The following PRKCI variants were observed in gnomAD, a reference collection of about 807,000 sequenced individuals.
PRKCI encodes the protein protein kinase C iota type.
PRKCI carries 43 observed loss-of-function variants against 84.0 expected under a neutral mutation model. The ratio of observed to expected loss-of-function variants is 0.51; its 90% CI spans 0.40 to 0.66. The LOEUF is 0.66. Among genes scored for constraint, PRKCI ranks in the 30% least tolerant of loss-of-function variants. The probability of loss-of-function intolerance (pLI) is 0.00; values close to 1 mark genes in which losing one functional copy is unlikely to be tolerated. For synonymous variants in PRKCI, 216 were observed against 234.4 expected (o/e 0.92, Z 0.72); for missense variants, 459 against 745.6 (o/e 0.62, Z 4.48).
intron 12 of PRKCI, among the ~76,000 whole-genome samples, chr3:170,290,861 G>A (rs1012778285): frequency 1.4e-4 from 22 of 152,012 alleles, no homozygotes; most frequent in African/African-American, 4.1e-4. Context: ...ATACAGGCCC[G>A]GCATGGTGGC....
At chr3:170,252,650 GTA>G (rs761676885) in intron 2 of PRKCI, among the ~76,000 whole-genome samples, 15 of 150,224 alleles carry the variant, frequency 1.0e-4, no homozygotes, top group Non-Finnish European at 1.9e-4. Context: ...TCAGGCTGGA[GTA>G]TAGTAGCATG....
At chr3:170,273,410 C>T in intron 7 of PRKCI, 70 bp downstream of exon 7, 2 of 1,421,302 alleles carry the variant, frequency 1.4e-6, no homozygotes, top group Admixed American at 3.7e-5. Context: ...TTAGGTGACT[C>T]TCTTACCCAA....
At chr3:170,231,662 G>A (rs1372989961) in intron 1 of PRKCI, among the ~76,000 whole-genome samples, 1 of 151,564 alleles carries the variant, frequency 6.6e-6, no homozygotes, top group Non-Finnish European at 1.5e-5. Flanking sequence ...ATGGGGATTC[G>A]CCATGTTGGC....
chr3:170,225,280 C>G (rs1020998167), intron 1 of PRKCI, among the ~76,000 whole-genome samples: 2 of 152,100 alleles, frequency 1.3e-5, no homozygotes, highest in Non-Finnish European at 2.9e-5. Flanking sequence ...AATTCCTGTC[C>G]TCTGAAATTA....
Position 170,295,919 on chromosome 3 carries a change from G to A in PRKCI, c.1426G>A (p.Glu476Lys). Residue 476 changes from glutamate to lysine, a missense_variant, in exon 15 of 18, where the codon GAA (glutamate) becomes AAA (lysine). This residue lies in a region of PRKCI where 209 missense variants were observed against 425.9 expected (regional missense o/e 0.49). Transcript: ENST00000295797. ...TEDYLFQVILEKQIRIPRSLS... is the reference protein window; with the variant it reads ...TEDYLFQVILKKQIRIPRSLS... The stretch of plus-strand genomic sequence containing the variant: ...AATTTTTATCTTTCTAGTTATTTTG[G>A]AAAAACAAATTCGCATACCACGTTC... 6.4e-7 allele frequency: 1 copy of A among 1,562,926 alleles called. No homozygotes were observed. Among genetic ancestry groups the A allele is most frequent in the Non-Finnish European group, 8.7e-7 (1 of 1,150,422 alleles).
chr3:170,252,604 C>A (rs1733482111), intron 2 of PRKCI, among the ~76,000 whole-genome samples: 1 of 151,096 alleles, frequency 6.6e-6, no homozygotes, highest in African/African-American at 2.4e-5. Flanking sequence ...CTTTTTCTAA[C>A]CTTTTTTTTT....
At chr3:170,265,565 A>G (rs1733838160) in intron 4 of PRKCI, among the ~76,000 whole-genome samples, 1 of 151,952 alleles carries the variant, frequency 6.6e-6, no homozygotes, top group South Asian at 2.1e-4. Flanking sequence ...TTTAGAAGGA[A>G]TAGTGGTAAA....
intron 2 of PRKCI, among the ~76,000 whole-genome samples, chr3:170,249,163 C>T (rs1244377055): frequency 6.6e-6 from 1 of 151,932 alleles, no homozygotes; most frequent in African/African-American, 2.4e-5. Flanking sequence ...TGGCTTTTTT[C>T]ATTATAGACT....
At chr3:170,277,535 A>G (rs6783923) in intron 8 of PRKCI, among the ~76,000 whole-genome samples, 12,313 of 152,034 alleles carry the variant, frequency 0.081, 1,197 homozygotes, top group African/African-American at 0.23. Flanking sequence ...TCTACTAAAA[A>G]TACAAAAAAT....
chr3:170,224,281 A>G (rs901610294), intron 1 of PRKCI, among the ~76,000 whole-genome samples: 2 of 152,010 alleles, frequency 1.3e-5, no homozygotes, highest in Non-Finnish European at 2.9e-5. Flanking sequence ...GTTATATTGG[A>G]CAGTATGATA....
At chr3:170,289,407 C>A (rs1325810709) in intron 12 of PRKCI, among the ~76,000 whole-genome samples, 1 of 152,148 alleles carries the variant, frequency 6.6e-6, no homozygotes, top group Admixed American at 6.5e-5. Flanking sequence ...GTTCACCATG[C>A]CCAGAATGTC....
At chr3:170,288,417 T>C (rs1329597634) in intron 12 of PRKCI, among the ~76,000 whole-genome samples, 2 of 152,176 alleles carry the variant, frequency 1.3e-5, no homozygotes, top group African/African-American at 2.4e-5. Context: ...TTAAATCAAA[T>C]GTCCTCCTAC....
At chr3:170,283,104 CAA>C (rs892905150) in intron 11 of PRKCI, among the ~76,000 whole-genome samples, 21 of 107,402 alleles carry the variant, frequency 2.0e-4, no homozygotes, top group East Asian at 5.8e-4. Context: ...GACTCCGTCT[CAA>C]AAAAAAAAAA....
At chr3:170,298,827 C>T (rs1734750439) in intron 16 of PRKCI, among the ~76,000 whole-genome samples, 168 bp from the exon 17 acceptor site, 1 of 152,240 alleles carries the variant, frequency 6.6e-6, no homozygotes, top group Non-Finnish European at 1.5e-5. Flanking sequence ...AGGCGTGAGC[C>T]GCCATGCCCA....
chr3:170,226,243 A>G (rs1732624884), intron 1 of PRKCI, among the ~76,000 whole-genome samples: 1 of 152,166 alleles, frequency 6.6e-6, no homozygotes, highest in Non-Finnish European at 1.5e-5. Context: ...GCAAGAGATT[A>G]ATAGCACTGA....
chr3:170,282,066 T>A, intron 11 of PRKCI, 98 bp downstream of exon 11: 1 of 1,249,940 alleles, frequency 8.0e-7, no homozygotes, highest in Non-Finnish European at 1.1e-6. Context: ...TTTATTTTGA[T>A]ACTAGTTAAT....
intron 2 of PRKCI, among the ~76,000 whole-genome samples, chr3:170,242,591 CTT>C (rs1262319092): frequency 6.7e-6 from 1 of 149,994 alleles, no homozygotes; most frequent in Admixed American, 6.6e-5. Flanking sequence ...ATGTAAAGAA[CTT>C]ATACATTATG....
rs765036171 is a variant in PRKCI at position 170,235,212 on chromosome 3, A to G, written c.102-18A>G. 57 of 1,609,132 alleles carry G rather than the reference A, an allele frequency of 3.5e-5. 1 individual carries two copies. In the Middle Eastern group the frequency reaches 1.2e-3, roughly 33 times the overall value. On this transcript the variant is annotated intron_variant, in intron 1 of 17. Transcript: ENST00000295797. The stretch of plus-strand genomic sequence containing the variant: ...ATTTTTAATCATTTTCAAACTGAAA[A>G]CTCCTTTTCTTTTTCAGGGATATCA...
At chr3:170,234,338 T>G (rs1040192005) in intron 1 of PRKCI, among the ~76,000 whole-genome samples, 27 of 152,190 alleles carry the variant, frequency 1.8e-4, no homozygotes, top group Non-Finnish European at 2.8e-4. Flanking sequence ...GCCTTATACT[T>G]ATACTTTTTA....
Sources: gnomAD v4.1 joint callset for allele counts (sites outside exome capture counted in the v4.1 genomes callset) on GRCh38, gnomAD v4.1.1 for gene constraint, gnomAD v4.1.1 regional missense constraint, MANE v1.5 for transcripts, NCBI Gene and HGNC (gene_info 2026-07-23, HGNC 2026-07-21) for gene names.